ATP10A: variants seen among roughly 807,000 people sequenced by gnomAD.
ATP10A encodes the protein ATPase phospholipid transporting 10A (putative), also known as phospholipid-transporting ATPase VA.
In ATP10A, 111 loss-of-function variants were observed where a neutral mutation model predicts 147.8. The observed-to-expected ratio is 0.75, with a 90% CI of 0.64 to 0.88. The LOEUF (loss-of-function observed/expected upper bound fraction) is 0.88, where lower values mean the gene tolerates loss of function less well. Among genes scored for constraint, ATP10A ranks in the 40% least tolerant of loss-of-function variants. The pLI is 0.00. For synonymous variants in ATP10A, 875 were observed against 841.6 expected, an observed-to-expected ratio of 1.04 and a Z score of -0.69; for missense variants, 1,927 against 1,959.0, an observed-to-expected ratio of 0.98 and a Z score of 0.31.
chr15:25,856,470 T>C (rs1278176467), intron 1 of ATP10A, among the ~76,000 whole-genome samples: 2 of 152,238 alleles, frequency 1.3e-5, no homozygotes, highest in Non-Finnish European at 2.9e-5. Context: ...AGCCTGAGAA[T>C]GGACTAATAG....
chr15:25,739,110 T>C (rs1316554778), intron 2 of ATP10A, among the ~76,000 whole-genome samples: 7 of 152,202 alleles, frequency 4.6e-5, no homozygotes, highest in Non-Finnish European at 7.3e-5. Flanking sequence ...GCTCCTGTCA[T>C]CCAGGCTGGA....
At chr15:25,850,702 C>T (rs951358748) in intron 1 of ATP10A, among the ~76,000 whole-genome samples, 1 of 151,370 alleles carries the variant, frequency 6.6e-6, no homozygotes, top group Non-Finnish European at 1.5e-5. Flanking sequence ...ACGCCCACCA[C>T]CCCCCAAGAC....
intron 2 of ATP10A, among the ~76,000 whole-genome samples, chr15:25,737,729 C>A (rs757178887): frequency 3.9e-5 from 6 of 152,098 alleles, no homozygotes; most frequent in African/African-American, 1.4e-4. Flanking sequence ...TAGCTCAGAA[C>A]GTACCCTTAT....
intron 14 of ATP10A, among the ~76,000 whole-genome samples, chr15:25,693,306 A>AAT (rs1900135530): frequency 6.6e-6 from 1 of 152,156 alleles, no homozygotes; most frequent in Non-Finnish European, 1.5e-5. Context: ...GACTGGTGTG[A>AAT]ACCACGTGCC....
intron 1 of ATP10A, among the ~76,000 whole-genome samples, chr15:25,798,428 C>T (rs1289260680): frequency 1.3e-5 from 2 of 152,254 alleles, no homozygotes; most frequent in East Asian, 1.9e-4. Context: ...AGGGCTCAGG[C>T]GGGAATCCTA....
intron 2 of ATP10A, among the ~76,000 whole-genome samples, chr15:25,758,710 G>C (rs1156243203): frequency 8.3e-6 from 1 of 120,520 alleles, no homozygotes; most frequent in Non-Finnish European, 1.6e-5. Flanking sequence ...AACTCATTCC[G>C]ATCACCTGCT....
chr15:25,720,120 C>A (rs1902121254), intron 7 of ATP10A, among the ~76,000 whole-genome samples: 1 of 152,094 alleles, frequency 6.6e-6, no homozygotes, highest in Admixed American at 6.5e-5. Flanking sequence ...TAGTTGGGAT[C>A]CTGCCCCTGG....
chr15:25,728,655 G>A (rs985285463), intron 3 of ATP10A, among the ~76,000 whole-genome samples: 2 of 152,168 alleles, frequency 1.3e-5, no homozygotes, highest in Non-Finnish European at 2.9e-5. Context: ...ATAACAAATC[G>A]TCTCCGAGTT....
At chr15:25,801,429 A>C (rs1345263518) in intron 1 of ATP10A, among the ~76,000 whole-genome samples, 2 of 152,182 alleles carry the variant, frequency 1.3e-5, no homozygotes, top group Non-Finnish European at 2.9e-5. Flanking sequence ...TAACACTGGC[A>C]ATGCCTGTGT....
At chr15:25,823,603 A>T (rs2140850457) in intron 1 of ATP10A, among the ~76,000 whole-genome samples, 1 of 152,350 alleles carries the variant, frequency 6.6e-6, no homozygotes, top group South Asian at 2.1e-4. Flanking sequence ...AAGTCTTCCA[A>T]GGAAGTTACG....
chr15:25,746,063 G>C (rs1481141524), intron 2 of ATP10A, among the ~76,000 whole-genome samples: 1 of 152,100 alleles, frequency 6.6e-6, no homozygotes, highest in African/African-American at 2.4e-5. Flanking sequence ...ATATTTTAAT[G>C]AAAACCCAAA....
In ATP10A at chr15:25,863,217, G is replaced by C. The variant is rs1893857071; in HGVS notation, c.-121C>G. 1.5e-6 allele frequency: 1 copy of C among 682,014 alleles called. No individual in the cohort carries two copies. Among genetic ancestry groups the C allele is most frequent in the Non-Finnish European group, 1.9e-6 (1 of 538,128 alleles). 42.2% of individuals were successfully genotyped at this position (682,014 alleles called of 1,614,324 possible). A position where few individuals can be genotyped will look rare whatever the true frequency, so the allele number is the denominator to read the frequency against. ...GAGCTCCCCGCCTGCGGGACGCACG[G>C]AGACCGCGGTCAGCGCGCCGCCTGG... On this transcript the variant is annotated 5_prime_UTR_variant, in exon 1 of 21. Coordinates refer to ENST00000555815, the MANE Select transcript of ATP10A (RefSeq NM_024490.4).
At chr15:25,780,882 C>A in intron 2 of ATP10A, 137 bp downstream of exon 2, 1 of 925,748 alleles carries the variant, frequency 1.1e-6, no homozygotes, top group South Asian at 1.6e-5. Flanking sequence ...CCTCTCAGAC[C>A]CTCAGACTCG....
At chr15:25,822,446 A>AT (rs1254344428) in intron 1 of ATP10A, among the ~76,000 whole-genome samples, 6 of 152,122 alleles carry the variant, frequency 3.9e-5, no homozygotes, top group African/African-American at 1.4e-4. Flanking sequence ...TTGCCCTCCC[A>AT]TTTCTGCTGG....
intron 12 of ATP10A, among the ~76,000 whole-genome samples, chr15:25,705,379 T>A (rs1430501375): frequency 6.8e-6 from 1 of 146,710 alleles, no homozygotes; most frequent in Admixed American, 7.0e-5. Flanking sequence ...GAGCTCACAA[T>A]GTGCTGTGAT....
rs1902634062 is a variant in ATP10A at position 25,727,210 on chromosome 15, C to T, written c.797G>A (p.Gly266Asp). ...GLYKENLLLRGCTLRNTDAVV... is the reference protein window; with the variant it reads ...GLYKENLLLRDCTLRNTDAVV... The stretch of plus-strand genomic sequence containing the variant: ...TGCGTCCGTGTTCCTAAGGGTGCAG[C>T]CCCTCAGCAGCAGGTTTTCTTTATA... Residue 266 changes from glycine to aspartate, a missense_variant, in exon 4 of 21, where the codon GGC (glycine) becomes GAC (aspartate). Gly to Asp is a moderately conservative substitution (Grantham distance 94). Transcript: ENST00000555815. 1.2e-6 allele frequency: 2 copies of T among 1,613,822 alleles called. No individual in the cohort carries two copies. Among genetic ancestry groups the T allele is most frequent in the Non-Finnish European group, 1.7e-6 (2 of 1,179,878 alleles).
chr15:25,737,933 C>T (rs1887377860), intron 2 of ATP10A, among the ~76,000 whole-genome samples: 1 of 152,184 alleles, frequency 6.6e-6, no homozygotes, highest in Non-Finnish European at 1.5e-5. Flanking sequence ...TGACCCCTTA[C>T]TCCCGAATGT....
intron 16 of ATP10A, 46 bp downstream of exon 16, chr15:25,687,657 C>A: frequency 7.4e-7 from 1 of 1,347,334 alleles, no homozygotes; most frequent in South Asian, 1.7e-5. Context: ...GTCCTAAGAA[C>A]CGAACCTTCC....
intron 1 of ATP10A, among the ~76,000 whole-genome samples, chr15:25,860,393 C>T (rs576583895): frequency 1.4e-4 from 21 of 152,306 alleles, no homozygotes; most frequent in African/African-American, 4.3e-4. Context: ...TAGACATGCC[C>T]TATGGTGCCA....
Sources: gnomAD v4.1 joint callset for allele counts (sites outside exome capture counted in the v4.1 genomes callset) on GRCh38, gnomAD v4.1.1 for gene constraint, MANE v1.5 for transcripts, NCBI Gene and HGNC (gene_info 2026-07-23, HGNC 2026-07-21) for gene names.